The following CNTN4 variants were observed in gnomAD, a reference collection of about 807,000 sequenced individuals.
CNTN4 encodes the protein contactin-4.
CNTN4 carries 77 observed loss-of-function variants against 122.5 expected under a neutral mutation model. The ratio of observed to expected loss-of-function variants is 0.63; its 90% CI spans 0.52 to 0.76. The LOEUF (loss-of-function observed/expected upper bound fraction) is 0.76. Among genes scored for constraint, CNTN4 ranks in the 30% least tolerant of loss-of-function variants. CNTN4 has a pLI of 0.00. For synonymous variants in CNTN4, 512 were observed against 447.0 expected (o/e 1.15, Z -1.83); for missense variants, 1,256 against 1,259.1 (o/e 1.00, Z 0.04).
At chr3:2,263,377 A>G (rs1462648203) in intron 2 of CNTN4, among the ~76,000 whole-genome samples, 1 of 152,128 alleles carries the variant, frequency 6.6e-6, no homozygotes, top group Non-Finnish European at 1.5e-5. Flanking sequence ...TCAAAATGAG[A>G]CTGATTTTTT....
intron 2 of CNTN4, among the ~76,000 whole-genome samples, chr3:2,337,306 G>T (rs180748674): frequency 1.3e-5 from 2 of 152,214 alleles, no homozygotes; most frequent in East Asian, 3.9e-4. Context: ...TTTCTATAAT[G>T]GGCAAGTATT....
intron 4 of CNTN4, among the ~76,000 whole-genome samples, chr3:2,586,254 C>T (rs2080198376): frequency 6.6e-6 from 1 of 152,084 alleles, no homozygotes; most frequent in Admixed American, 6.6e-5. Context: ...CAACATTCTC[C>T]ATTTTTGTTG....
At chr3:2,500,059 T>G (rs1285820168) in intron 3 of CNTN4, among the ~76,000 whole-genome samples, 1 of 152,148 alleles carries the variant, frequency 6.6e-6, no homozygotes, top group Non-Finnish European at 1.5e-5. Flanking sequence ...ACAAATACAA[T>G]AGATTCTTGT....
chr3:2,636,912 C>A (rs1427373974), intron 4 of CNTN4, among the ~76,000 whole-genome samples: 1 of 117,816 alleles, frequency 8.5e-6, no homozygotes, highest in Non-Finnish European at 1.9e-5. Flanking sequence ...TTTCCTCTTT[C>A]TTTCTTTCTT....
At chr3:2,786,074 G>A (rs1040949679) in intron 6 of CNTN4, among the ~76,000 whole-genome samples, 6 of 151,994 alleles carry the variant, frequency 3.9e-5, no homozygotes, top group African/African-American at 1.5e-4. Context: ...GAGTTTGTCA[G>A]CCGAACTCCA....
chr3:2,139,757 T>C (rs2034899060), intron 2 of CNTN4, among the ~76,000 whole-genome samples: 1 of 152,146 alleles, frequency 6.6e-6, no homozygotes, highest in Admixed American at 6.5e-5. Flanking sequence ...ACTATGCCAG[T>C]GTGCACAGTG....
chr3:2,384,827 A>T (rs920055667), intron 3 of CNTN4, among the ~76,000 whole-genome samples: 9 of 152,088 alleles, frequency 5.9e-5, no homozygotes, highest in Non-Finnish European at 1.2e-4. Flanking sequence ...GTTTCTAAGT[A>T]GAAGGACTAA....
intron 6 of CNTN4, among the ~76,000 whole-genome samples, chr3:2,784,156 A>G (rs9842663): frequency 0.75 from 114,494 of 152,106 alleles, 44,265 homozygotes; most frequent in South Asian, 0.85. Flanking sequence ...CTATTCTTTC[A>G]GGAATGAGAA....
chr3:2,662,081 C>T (rs1016377548), intron 4 of CNTN4, among the ~76,000 whole-genome samples: 1 of 152,106 alleles, frequency 6.6e-6, no homozygotes, highest in Non-Finnish European at 1.5e-5. Context: ...TTATAGAGAT[C>T]AAAGACCCAG....
At position 3,042,483 on chromosome 3, in the gene CNTN4, C is replaced by T. The variant is rs1218474869; in HGVS notation, c.2511+61C>T. ...AGTCTATGCCCCTTGATAAGTCCTCCAAGTCACATTCTTATAGGAAGAGAC... is the reference window on the plus strand; with the variant it reads ...AGTCTATGCCCCTTGATAAGTCCTCTAAGTCACATTCTTATAGGAAGAGAC... On this transcript the variant is annotated intron_variant, in intron 21 of 24. Transcript: ENST00000418658. 7.4e-6 allele frequency: 8 copies of T among 1,075,978 alleles called. No individual in the cohort carries two copies. The East Asian group carries it at 1.7e-4, about 22-fold the overall frequency. 66.7% of individuals were successfully genotyped at this position (1,075,978 alleles called of 1,614,324 possible).
chr3:2,856,097 T>G (rs1253290789), intron 7 of CNTN4, among the ~76,000 whole-genome samples: 1 of 152,220 alleles, frequency 6.6e-6, no homozygotes, highest in East Asian at 1.9e-4. Context: ...TCCAGGAAAC[T>G]TCTGGCATTT....
At chr3:2,527,409 A>C (rs2077435778) in intron 3 of CNTN4, among the ~76,000 whole-genome samples, 2 of 149,940 alleles carry the variant, frequency 1.3e-5, no homozygotes, top group Admixed American at 1.3e-4. Flanking sequence ...GGAACAATGT[A>C]TGCTGCTGCT....
chr3:2,287,534 T>C (rs2041946144), intron 2 of CNTN4, among the ~76,000 whole-genome samples: 1 of 151,218 alleles, frequency 6.6e-6, no homozygotes, highest in Non-Finnish European at 1.5e-5. Context: ...GCCCGGGAGA[T>C]CAAGGCTGCA....
chr3:2,577,882 A>G (rs765403387), intron 4 of CNTN4, among the ~76,000 whole-genome samples: 3 of 151,852 alleles, frequency 2.0e-5, no homozygotes, highest in Non-Finnish European at 4.4e-5. Flanking sequence ...ATTTATTCCC[A>G]TCTCTGTGGT....
At chr3:2,676,629 G>C (rs573534857) in intron 4 of CNTN4, among the ~76,000 whole-genome samples, 3 of 152,326 alleles carry the variant, frequency 2.0e-5, no homozygotes, top group Admixed American at 6.5e-5. Context: ...GGATGAGCAA[G>C]AGTTGGCCAG....
chr3:2,376,707 G>A (rs1324888987), intron 3 of CNTN4, among the ~76,000 whole-genome samples: 2 of 132,512 alleles, frequency 1.5e-5, no homozygotes, highest in Admixed American at 7.4e-5. Flanking sequence ...AAAAAAAAAG[G>A]TCAGGTTAAC....
chr3:2,278,854 A>G (rs1183597808), intron 2 of CNTN4, among the ~76,000 whole-genome samples: 1 of 150,362 alleles, frequency 6.7e-6, no homozygotes, highest in Non-Finnish European at 1.5e-5. Flanking sequence ...CCCTAGATGG[A>G]TGATTGTCAC....
intron 3 of CNTN4, among the ~76,000 whole-genome samples, chr3:2,494,806 A>T (rs2076411288): frequency 6.6e-6 from 1 of 152,188 alleles, no homozygotes; most frequent in Non-Finnish European, 1.5e-5. Flanking sequence ...GGTCAGTCTT[A>T]AGATCTCTGT....
intron 3 of CNTN4, among the ~76,000 whole-genome samples, chr3:2,456,537 C>A (rs1390281404): frequency 6.6e-6 from 1 of 152,120 alleles, no homozygotes; most frequent in African/African-American, 2.4e-5. Context: ...CACTCCACTT[C>A]CAACCCTAGC....
Sources: gnomAD v4.1 joint callset for allele counts (sites outside exome capture counted in the v4.1 genomes callset) on GRCh38, gnomAD v4.1.1 for gene constraint, MANE v1.5 for transcripts, NCBI Gene and HGNC (gene_info 2026-07-23, HGNC 2026-07-21) for gene names.